TXLNB: variants seen among roughly 807,000 people sequenced by gnomAD.
TXLNB encodes the protein beta-taxilin.
In TXLNB, 37 loss-of-function variants were observed where a neutral mutation model predicts 57.4. The observed-to-expected ratio is 0.64, with a 90% CI of 0.50 to 0.85. The LOEUF (loss-of-function observed/expected upper bound fraction) is 0.85. Ranked by LOEUF, TXLNB falls within the 40% of genes least tolerant of loss-of-function variation. The pLI, the probability that TXLNB is intolerant of heterozygous loss-of-function variation, is 0.00. For synonymous variants in TXLNB, 302 were observed against 309.6 expected (o/e 0.98, Z 0.26); for missense variants, 848 against 825.6 (o/e 1.03, Z -0.33).
At chr6:139,218,100 G>C in the TXLNB span, among the ~76,000 whole-genome samples, 1 of 152,064 alleles carries the variant, frequency 6.6e-6, no homozygotes, top group Non-Finnish European at 1.5e-5. Flanking sequence ...TTTCAGTATG[G>C]TAGGGTCCCC....
intron 4 of TXLNB, 119 bp downstream of exon 4, chr6:139,270,337 G>C (rs990723160): frequency 4.3e-6 from 4 of 920,308 alleles, no homozygotes; most frequent in Non-Finnish European, 6.5e-6. Context: ...AAGGGGCAGA[G>C]GCAGTATTTG....
chr6:139,198,644 G>A, the TXLNB span, among the ~76,000 whole-genome samples: 1 of 152,184 alleles, frequency 6.6e-6, no homozygotes, highest in African/African-American at 2.4e-5. Flanking sequence ...CAATTGAGGT[G>A]CATGGCAGGA....
chr6:139,177,022 G>A, the TXLNB span: 4 of 872,570 alleles, frequency 4.6e-6, no homozygotes, highest in Non-Finnish European at 8.0e-6. The surrounding 1 kb of genome is among the most constrained non-coding windows in gnomAD (Gnocchi z 4.9). Flanking sequence ...ATATAGCAAC[G>A]TCCAGCAGTG....
the TXLNB span, chr6:139,167,008 CAG>C: frequency 1.2e-6 from 2 of 1,614,188 alleles, no homozygotes; most frequent in Non-Finnish European, 1.7e-6. Flanking sequence ...TGGCAGTTCA[CAG>C]GGGGGGACAC....
the TXLNB span, among the ~76,000 whole-genome samples, chr6:139,189,078 T>G: frequency 2.6e-5 from 4 of 152,198 alleles, no homozygotes; most frequent in Non-Finnish European, 5.9e-5. Flanking sequence ...AACCTCGTAT[T>G]CTATGTAGGT....
At chr6:139,263,567 T>A (rs1252746646) in intron 4 of TXLNB, among the ~76,000 whole-genome samples, 1 of 152,224 alleles carries the variant, frequency 6.6e-6, no homozygotes, top group Non-Finnish European at 1.5e-5. Flanking sequence ...GCAAATTAAC[T>A]TTTATATCAT....
chr6:139,256,476 C>A (rs1203673046), intron 6 of TXLNB, among the ~76,000 whole-genome samples: 2 of 152,224 alleles, frequency 1.3e-5, no homozygotes, highest in Non-Finnish European at 2.9e-5. Context: ...ATTACAGACA[C>A]CTGCCACCAT....
chr6:139,194,697 G>A, the TXLNB span, among the ~76,000 whole-genome samples: 1 of 152,110 alleles, frequency 6.6e-6, no homozygotes, highest in African/African-American at 2.4e-5. Context: ...GCCTCTCAAT[G>A]TATTTCCATC....
intron 4 of TXLNB, among the ~76,000 whole-genome samples, chr6:139,266,163 A>G (rs889968714): frequency 6.6e-6 from 1 of 152,232 alleles, no homozygotes; most frequent in Non-Finnish European, 1.5e-5. Context: ...CCAGAACATA[A>G]TAGTCACAAT....
the TXLNB span, among the ~76,000 whole-genome samples, chr6:139,176,443 G>A: frequency 6.6e-6 from 1 of 152,190 alleles, no homozygotes; most frequent in African/African-American, 2.4e-5. This position sits in a 1 kb window ranked among gnomAD's most constrained non-coding sequence, Gnocchi z 4.5. Flanking sequence ...GGAGAGGCTA[G>A]GCATGAGTGA....
rs189979169 is a variant in TXLNB, at chr6:139,264,244, G to A, written c.688-1471C>T. On this transcript the variant is annotated intron_variant, in intron 4 of 9. Coordinates refer to ENST00000358430, the MANE Select transcript of TXLNB (RefSeq NM_153235.4). ...AAAAATAATTATGGTTACCAGTTAG[G>A]AGCAACTAAATATATGTGTGATTAT... Among the ~76,000 whole-genome samples, 518 of 152,268 alleles carry A rather than the reference G, an allele frequency of 3.4e-3. 3 individuals carry two copies. The highest frequency in any genetic ancestry group is 0.011 in the African/African-American group (474 of 41,544).
the TXLNB span, chr6:139,169,581 TAGTGGTTTAAA>T: frequency 6.6e-6 from 1 of 152,190 alleles, no homozygotes; most frequent in Non-Finnish European, 1.5e-5. Flanking sequence ...TTCCAAAACT[TAGTGGTTTAAA>T]AGGATAATTT....
the TXLNB span, among the ~76,000 whole-genome samples, chr6:139,222,100 T>C: frequency 2.0e-5 from 3 of 151,560 alleles, no homozygotes; most frequent in Admixed American, 2.0e-4. Flanking sequence ...AATAGCAAGG[T>C]GGTGAGTTTA....
At chr6:139,293,861 C>G (rs1207676577), upstream of TXLNB, among the ~76,000 whole-genome samples, 1 of 152,110 alleles carries the variant, frequency 6.6e-6, no homozygotes, top group Non-Finnish European at 1.5e-5. Context: ...GAGAAAAGCA[C>G]TTTCTTCTAA....
intron 2 of TXLNB, among the ~76,000 whole-genome samples, chr6:139,283,490 C>T (rs7749472): frequency 0.23 from 32,471 of 140,480 alleles, 7,735 homozygotes; most frequent in African/African-American, 0.47. Context: ...GCAGGAGAAT[C>T]GATTGAACCC....
the TXLNB span, chr6:139,179,941 T>A: frequency 6.6e-6 from 1 of 152,236 alleles, no homozygotes; most frequent in African/African-American, 2.4e-5. Flanking sequence ...TTTAAGAGTT[T>A]TATACCTTGA....
the TXLNB span, among the ~76,000 whole-genome samples, chr6:139,221,088 A>C: frequency 3.5e-4 from 54 of 152,208 alleles, no homozygotes; most frequent in African/African-American, 1.1e-3. Context: ...TGAAATGGTC[A>C]AGAAAAGCAA....
chr6:139,186,808 C>G, the TXLNB span, among the ~76,000 whole-genome samples: 2 of 152,200 alleles, frequency 1.3e-5, no homozygotes, highest in Admixed American at 1.3e-4. Context: ...TTCATACATG[C>G]AACACCATGG....
the TXLNB span, among the ~76,000 whole-genome samples, chr6:139,165,601 T>A: frequency 5.9e-4 from 90 of 151,780 alleles, no homozygotes; most frequent in Non-Finnish European, 7.4e-4. Context: ...TTTTTTTTTT[T>A]ACTGACTCTA....
Sources: gnomAD v4.1 joint callset for allele counts (sites outside exome capture counted in the v4.1 genomes callset) on GRCh38, gnomAD v4.1.1 for gene constraint, Gnocchi (gnomAD v3.1) non-coding constraint, MANE v1.5 for transcripts, NCBI Gene and HGNC (gene_info 2026-07-23, HGNC 2026-07-21) for gene names.